Variants in CCNB3 observed in about 807,000 individuals in gnomAD.
CCNB3 encodes cyclin B3, also known as G2/mitotic-specific cyclin-B3.
A neutral mutation model predicts 68.0 loss-of-function variants in CCNB3; 12 were observed. The ratio of observed to expected loss-of-function variants is 0.18; its 90% confidence interval spans 0.11 to 0.29. CCNB3 has a LOEUF of 0.29. CCNB3 is among the 10% of genes least tolerant of loss of function. The probability of loss-of-function intolerance (pLI) is 1.00; values close to 1 mark genes in which losing one functional copy is unlikely to be tolerated. For synonymous variants in CCNB3, 354 were observed against 388.9 expected (o/e 0.91, Z 1.06); for missense variants, 904 against 993.1 (o/e 0.91, Z 1.21).
In CCNB3 at chrX:50,342,196, C is replaced by T; in HGVS notation, c.3517-6C>T. 1 of 1,210,537 alleles carries T rather than the reference C, an allele frequency of 8.3e-7. No homozygotes were observed. The highest frequency in any genetic ancestry group is 1.1e-6 in the Non-Finnish European group (1 of 895,027). ...GCAGATCTGTGTCGTGTGTGTGTTCCTCCAGGTGTCCTTTGAGATGACCCA... is the reference window on the plus strand; with the variant it reads ...GCAGATCTGTGTCGTGTGTGTGTTCTTCCAGGTGTCCTTTGAGATGACCCA... On this transcript the variant is annotated splice_region_variant and splice_polypyrimidine_tract_variant and intron_variant, in intron 8 of 12. Transcript: ENST00000376042.
chrX:50,227,524 G>A (rs1178883465), intron 1 of CCNB3, among the ~76,000 whole-genome samples: 2 of 70,931 alleles, frequency 2.8e-5, no homozygotes, highest in African/African-American at 5.2e-5. Context: ...AATATATATG[G>A]AGAGAATATA....
At chrX:50,336,443 AT>A (rs1922857861) in intron 8 of CCNB3, among the ~76,000 whole-genome samples, 1 of 111,147 alleles carries the variant, frequency 9.0e-6, no homozygotes, top group African/African-American at 3.3e-5. Flanking sequence ...CAAACACTTG[AT>A]TGGTTATTTC....
chrX:50,301,537 C>T (rs941949017), intron 5 of CCNB3, among the ~76,000 whole-genome samples: 39 of 111,947 alleles, frequency 3.5e-4, no homozygotes, highest in Middle Eastern at 4.6e-3. Context: ...GGTGTCAGTC[C>T]GCCCCTACTT....
intron 5 of CCNB3, 117 bp downstream of exon 5, chrX:50,295,110 G>A: frequency 1.3e-6 from 1 of 751,076 alleles, no homozygotes; most frequent in Non-Finnish European, 1.9e-6. Context: ...ATTAACCCTG[G>A]GTGCTGAGGT....
At chrX:50,225,112 A>T (rs1935731231) in intron 1 of CCNB3, among the ~76,000 whole-genome samples, 1 of 111,492 alleles carries the variant, frequency 9.0e-6, no homozygotes, top group African/African-American at 3.3e-5. Context: ...CTCCTTAAAA[A>T]GTTAAGGGAC....
chrX:50,203,203 CA>C (rs1242119855), upstream of CCNB3, among the ~76,000 whole-genome samples: 2 of 111,536 alleles, frequency 1.8e-5, no homozygotes, highest in African/African-American at 6.5e-5. Flanking sequence ...GAGTGCAAAT[CA>C]ATACTTTAAA....
At chrX:50,326,708 C>T (rs782452290) in intron 8 of CCNB3, among the ~76,000 whole-genome samples, 2 of 111,315 alleles carry the variant, frequency 1.8e-5, no homozygotes, top group South Asian at 7.6e-4. Flanking sequence ...GATTCAGTGT[C>T]CTCTCAGACC....
chrX:50,305,656 A>T (rs931136053), intron 5 of CCNB3, among the ~76,000 whole-genome samples: 2 of 109,481 alleles, frequency 1.8e-5, no homozygotes, highest in East Asian at 2.8e-4. Context: ...AAAGTATATT[A>T]AAAAAAAAGA....
intron 1 of CCNB3, among the ~76,000 whole-genome samples, chrX:50,227,319 A>G (rs1455803797): frequency 6.0e-4 from 52 of 86,469 alleles, no homozygotes; most frequent in African/African-American, 1.6e-3. Context: ...ATACATACAG[A>G]ATATATATAA....
In CCNB3 at chrX:50,288,770, A is replaced by T. The variant is rs1557209688; in HGVS notation, c.97-10A>T. ...TTGGATATACTCATTTACCTCTTTT[A>T]CTTTTTTAGACGGGGGAGAATTGCC... is the stretch of plus-strand genomic sequence containing the variant. On this transcript the variant is annotated splice_polypyrimidine_tract_variant and intron_variant, in intron 3 of 12. Transcript: ENST00000376042. 1 of 1,169,361 alleles carries T rather than the reference A, an allele frequency of 8.6e-7. No homozygotes were observed.
intron 8 of CCNB3, among the ~76,000 whole-genome samples, chrX:50,316,605 GT>G (rs1426059764): frequency 1.8e-5 from 2 of 111,738 alleles, no homozygotes; most frequent in African/African-American, 3.3e-5. Context: ...TATGTTATCC[GT>G]TTAGAGTCAC....
chrX:50,228,319 T>C (rs1354980293), intron 1 of CCNB3, among the ~76,000 whole-genome samples: 3 of 84,877 alleles, frequency 3.5e-5, no homozygotes, highest in African/African-American at 8.4e-5. Flanking sequence ...TATATATGAA[T>C]ACATATATAG....
At chrX:50,334,753 C>T (rs1288479306) in intron 8 of CCNB3, among the ~76,000 whole-genome samples, 2 of 112,334 alleles carry the variant, frequency 1.8e-5, no homozygotes, top group South Asian at 3.7e-4. Context: ...GTTGTAGAGG[C>T]CCCCATTCAA....
chrX:50,316,215 T>C (rs1458602445), intron 8 of CCNB3, among the ~76,000 whole-genome samples: 1 of 111,515 alleles, frequency 9.0e-6, no homozygotes, highest in African/African-American at 3.3e-5. Flanking sequence ...AGATGTGGCT[T>C]TGTTCCTCCT....
At chrX:50,228,489 G>C (rs1935970469) in intron 1 of CCNB3, among the ~76,000 whole-genome samples, 2 of 90,598 alleles carry the variant, frequency 2.2e-5, no homozygotes, top group Non-Finnish European at 4.2e-5. Flanking sequence ...AATATGTATA[G>C]AGGATATATC....
At chrX:50,211,634 C>G (rs1338016344) in intron 1 of CCNB3, among the ~76,000 whole-genome samples, 1 of 111,354 alleles carries the variant, frequency 9.0e-6, no homozygotes, top group Non-Finnish European at 1.9e-5. Flanking sequence ...GAGGAGTGAT[C>G]TCACCAACTG....
At chrX:50,339,730 G>A (rs1923031437) in intron 8 of CCNB3, among the ~76,000 whole-genome samples, 1 of 111,886 alleles carries the variant, frequency 8.9e-6, no homozygotes, top group African/African-American at 3.3e-5. Context: ...CCTTCAGGGA[G>A]CTTGTACTTT....
intron 1 of CCNB3, among the ~76,000 whole-genome samples, chrX:50,222,865 A>G (rs1435517971): frequency 1.8e-5 from 2 of 111,451 alleles, no homozygotes; most frequent in Non-Finnish European, 3.8e-5. Context: ...AGTGTTTTCC[A>G]TCTTGGTTCC....
intron 8 of CCNB3, among the ~76,000 whole-genome samples, chrX:50,321,165 T>C (rs1921994924): frequency 8.9e-6 from 1 of 111,846 alleles, no homozygotes; most frequent in African/African-American, 3.2e-5. Context: ...CCTTCTGAAA[T>C]GTCATGACCA....
Sources: gnomAD v4.1 joint callset for allele counts (sites outside exome capture counted in the v4.1 genomes callset) on GRCh38, gnomAD v4.1.1 for gene constraint, MANE v1.5 for transcripts, NCBI Gene and HGNC (gene_info 2026-07-23, HGNC 2026-07-21) for gene names.